Variants in EP300 observed in about 807,000 individuals in gnomAD.
EP300 encodes EP300 lysine acetyltransferase, also known as histone acetyltransferase p300.
A neutral mutation model predicts 264.0 loss-of-function variants in EP300; 31 were observed. The ratio of observed to expected loss-of-function variants is 0.12; its 90% CI spans 0.09 to 0.16. EP300 has a LOEUF of 0.16. EP300 is among the 10% of genes least tolerant of loss of function. EP300 has a pLI of 1.00. For synonymous variants in EP300, 1,340 were observed against 1,045.4 expected (o/e 1.28, Z -5.44); for missense variants, 2,766 against 3,052.9 (o/e 0.91, Z 2.21).
intron 20 of EP300, among the ~76,000 whole-genome samples, chr22:41,162,375 G>A (rs2059112888): frequency 6.6e-6 from 1 of 152,168 alleles, no homozygotes; most frequent in Admixed American, 6.5e-5. Flanking sequence ...TGTATGTAGT[G>A]AGGCTATGAG....
intron 1 of EP300, among the ~76,000 whole-genome samples, chr22:41,108,437 A>G (rs905098563): frequency 2.0e-5 from 3 of 151,094 alleles, no homozygotes; most frequent in African/African-American, 7.3e-5. Flanking sequence ...TTTTGTTGAC[A>G]CTGGTGTCCT....
At position 41,178,470 on chromosome 22, in the gene EP300, A is replaced by G; in HGVS notation, c.6759A>G (p.Ala2253=). Reference sequence around the variant, plus strand: ...TTCCCCAGGCCTTGGGAGCAGAGGCAGGTGCCAGTCTACAGGCCTATCAGC... The same window carrying G: ...TTCCCCAGGCCTTGGGAGCAGAGGCGGGTGCCAGTCTACAGGCCTATCAGC... ...GQLPQALGAE[A]GASLQAYQQR... Residue 2253 remains alanine (A), a synonymous_variant, in exon 31 of 31, where the codon GCA becomes GCG. Coordinates refer to ENST00000263253, the MANE Select transcript of EP300 (RefSeq NM_001429.4). The G allele has an allele frequency of 6.2e-7, 1 of 1,614,112 alleles. No individual in the cohort carries two copies. Among genetic ancestry groups the G allele is most frequent in the Admixed American group, 1.7e-5 (1 of 60,014 alleles).
intron 2 of EP300, among the ~76,000 whole-genome samples, chr22:41,125,182 G>A (rs1485453254): frequency 7.0e-6 from 1 of 142,662 alleles, no homozygotes; most frequent in Non-Finnish European, 1.5e-5. Context: ...GCAGCGGCGT[G>A]ATCTCGGCTC....
At chr22:41,164,268 T>C in intron 22 of EP300, 138 bp downstream of exon 22, 1 of 816,688 alleles carries the variant, frequency 1.2e-6, no homozygotes, top group Non-Finnish European at 2.0e-6. Flanking sequence ...TTGGCCACGA[T>C]AATTATAGTT....
intron 3 of EP300, among the ~76,000 whole-genome samples, chr22:41,126,585 G>A (rs1239118805): frequency 6.6e-6 from 1 of 151,926 alleles, no homozygotes; most frequent in Non-Finnish European, 1.5e-5. Context: ...GAAAAACATT[G>A]TCTGAAAAAA....
At position 41,146,821 on chromosome 22, in the gene EP300, A is replaced by G. The variant is rs770469802; in HGVS notation, c.2131+5A>G. The stretch of plus-strand genomic sequence containing the variant: ...CTCGAATAACTCCACAATCTGGTAA[A>G]TAGTGAAAAAAATTTTTTTATTTTA... On this transcript the variant is annotated splice_donor_5th_base_variant and intron_variant, in intron 11 of 30. Transcript: ENST00000263253. 47 of 1,613,278 alleles carry G rather than the reference A, an allele frequency of 2.9e-5. No homozygotes were observed. In the South Asian group the frequency reaches 5.2e-4, roughly 18 times the overall value.
At chr22:41,096,848 A>AC (rs2058705385) in intron 1 of EP300, among the ~76,000 whole-genome samples, 1 of 151,862 alleles carries the variant, frequency 6.6e-6, no homozygotes, top group South Asian at 2.1e-4. Flanking sequence ...CGAACTCCTG[A>AC]CCTCAGGTGA....
intron 1 of EP300, among the ~76,000 whole-genome samples, chr22:41,093,701 T>C (rs2058687075): frequency 6.6e-6 from 1 of 152,202 alleles, no homozygotes; most frequent in African/African-American, 2.4e-5. Context: ...TAAGAATCAA[T>C]ATGGAGCGCA....
intron 14 of EP300, among the ~76,000 whole-genome samples, chr22:41,151,060 T>C (rs1166284597): frequency 6.6e-6 from 1 of 152,114 alleles, no homozygotes; most frequent in African/African-American, 2.4e-5. Flanking sequence ...TCCTTATTAA[T>C]AGAACTTTTT....
Position 41,178,711 on chromosome 22 carries a change from C to T in EP300, c.7000C>T (p.Gln2334Ter). 6.2e-7 allele frequency: 1 copy of T among 1,614,200 alleles called. No homozygotes were observed. The highest frequency in any genetic ancestry group is 8.5e-7 in the Non-Finnish European group (1 of 1,180,044). ...HSSPSPRMQP[Q>*]PSPHHVSPQT... ...CAGTCCTTCCCCAAGGATGCAGCCT[C>T]AGCCTTCTCCACACCACGTTTCCCC... The change falls in exon 31 of 31, where the codon CAG becomes TAG. Residue 2334 changes from glutamine to a stop codon, truncating the protein, a stop_gained. Transcript: ENST00000263253. LOFTEE classifies it high-confidence loss of function.
At position 41,179,311 on chromosome 22, in the gene EP300, A is replaced by G. The variant is rs2059225452; in HGVS notation, c.*355A>G. The G allele has an allele frequency of 3.5e-6, 1 of 284,648 alleles. No homozygotes were observed. The highest frequency in any genetic ancestry group is 7.8e-5 in the South Asian group (1 of 12,812). The allele number at this position is 284,648 out of a possible 1,614,324, so 17.6% of individuals were successfully genotyped here. A position where few individuals can be genotyped will look rare whatever the true frequency, so the allele number is the denominator to read the frequency against. On this transcript the variant is annotated 3_prime_UTR_variant, in exon 31 of 31. Coordinates refer to ENST00000263253, the MANE Select transcript of EP300 (RefSeq NM_001429.4). ...TTATTTTTTTTAAATTAATGAACAT[A>G]TGTAATATTAATAGTTATTATTTAC...
chr22:41,158,005 C>T (rs981399687), intron 18 of EP300, among the ~76,000 whole-genome samples: 83 of 152,236 alleles, frequency 5.5e-4, no homozygotes, highest in African/African-American at 1.9e-3. Flanking sequence ...GCAGATTCCT[C>T]AGCATGTGCT....
At chr22:41,131,183 A>G (rs1013294883) in intron 5 of EP300, among the ~76,000 whole-genome samples, 28 of 152,192 alleles carry the variant, frequency 1.8e-4, no homozygotes, top group Admixed American at 1.7e-3. Flanking sequence ...ATTCAGAATC[A>G]AAAGCCTTTT....
chr22:41,147,779 C>G (rs535799952), intron 11 of EP300, 58 bp from the exon 12 acceptor site: 4 of 1,131,664 alleles, frequency 3.5e-6, no homozygotes, highest in Middle Eastern at 2.0e-4. Flanking sequence ...AGAATTCTAT[C>G]TTTTATTATT....
chr22:41,126,105 C>T, intron 3 of EP300, 65 bp downstream of exon 3: 2 of 1,527,406 alleles, frequency 1.3e-6, no homozygotes, highest in Non-Finnish European at 1.8e-6. Flanking sequence ...TTGTGTTAAA[C>T]TTTCACCCTT....
chr22:41,127,360 C>T (rs2058888892), intron 3 of EP300, 127 bp from the exon 4 acceptor site: 2 of 1,268,732 alleles, frequency 1.6e-6, no homozygotes, highest in Admixed American at 3.8e-5. Flanking sequence ...TTCCCTGTGT[C>T]AAAAAATGGA....
intron 5 of EP300, among the ~76,000 whole-genome samples, chr22:41,131,153 C>A (rs1233930211): frequency 1.3e-5 from 2 of 152,160 alleles, no homozygotes; most frequent in East Asian, 3.9e-4. Flanking sequence ...TAATAAAGCC[C>A]TTTGGGAAGG....
chr22:41,162,638 G>C, intron 20 of EP300, 85 bp from the exon 21 acceptor site: 1 of 1,051,758 alleles, frequency 9.5e-7, no homozygotes, highest in Non-Finnish European at 1.5e-6. Flanking sequence ...TCTATATAGG[G>C]TGAAGTTTGT....
intron 10 of EP300, among the ~76,000 whole-genome samples, chr22:41,145,486 G>A (rs191434032): frequency 2.0e-5 from 3 of 152,338 alleles, no homozygotes; most frequent in Non-Finnish European, 4.4e-5. Flanking sequence ...GGTATGGCCA[G>A]GGTGGAGCCA....
Sources: allele counts gnomAD v4.1 joint callset (sites outside exome capture counted in the v4.1 genomes callset), GRCh38; gene constraint gnomAD v4.1.1; transcripts MANE v1.5; gene names NCBI Gene and HGNC (gene_info 2026-07-23, HGNC 2026-07-21).